RTN3: variants seen among roughly 807,000 people sequenced by gnomAD.
RTN3 encodes reticulon 3.
RTN3 carries 49 observed loss-of-function variants against 77.8 expected under a neutral mutation model. The observed-to-expected ratio is 0.63, with a 90% CI of 0.50 to 0.80. The LOEUF (loss-of-function observed/expected upper bound fraction) is 0.80. Among genes scored for constraint, RTN3 ranks in the 30% least tolerant of loss-of-function variants. The pLI is 0.00. For missense variants in RTN3, 1,236 were observed against 1,211.9 expected, an observed-to-expected ratio of 1.02 and a Z score of -0.29; for synonymous variants, 464 against 446.9, an observed-to-expected ratio of 1.04 and a Z score of -0.48.
chr11:63,682,993 AT>A (rs199645843), intron 1 of RTN3, among the ~76,000 whole-genome samples: 14 of 151,008 alleles, frequency 9.3e-5, no homozygotes, highest in Admixed American at 1.3e-4. Context: ...GATTTTGATC[AT>A]TTTTTTTTAA....
At chr11:63,734,410 G>C (rs951104207) in intron 3 of RTN3, among the ~76,000 whole-genome samples, 1 of 151,784 alleles carries the variant, frequency 6.6e-6, no homozygotes, top group Non-Finnish European at 1.5e-5. Context: ...TCACACCACT[G>C]CACTCCAGCA....
At chr11:63,715,324 A>G (rs1427022296) in intron 2 of RTN3, among the ~76,000 whole-genome samples, 1 of 152,186 alleles carries the variant, frequency 6.6e-6, no homozygotes, top group African/African-American at 2.4e-5. Context: ...CATCTGTAAG[A>G]TGACAGATCT....
At chr11:63,704,934 T>C (rs1942426807) in intron 2 of RTN3, 27 bp downstream of exon 2, 2 of 1,554,256 alleles carry the variant, frequency 1.3e-6, no homozygotes, top group East Asian at 2.2e-5. Context: ...TTTGTGTGCA[T>C]TGGTAAAAGA....
In RTN3 at chr11:63,720,784, C is replaced by G. The variant is rs1436784035; in HGVS notation, c.2282C>G (p.Ser761Cys). 3.1e-6 allele frequency: 5 copies of G among 1,614,078 alleles called. No individual in the cohort carries two copies. Among genetic ancestry groups the G allele is most frequent in the Middle Eastern group, 1.6e-4 (1 of 6,062 alleles). The change falls in exon 3 of 9, where the codon TCT becomes TGT. Residue 761 changes from serine (S) to cysteine (C), a missense_variant. Around this residue, in one of 3 missense-constraint regions of RTN3, gnomAD observed 1,056 missense variants for 990.4 expected, o/e 1.07. Coordinates refer to ENST00000377819, the MANE Select transcript of RTN3 (RefSeq NM_001265589.2). ...LGERQVEKST[S>C]AQRDAELPSE... Reference sequence around the variant, plus strand: ...GAAAGACAGGTTGAGAAGTCAACTTCTGCACAGCGTGACGCAGAATTGCCT... The same window carrying G: ...GAAAGACAGGTTGAGAAGTCAACTTGTGCACAGCGTGACGCAGAATTGCCT...
At chr11:63,708,462 C>G (rs1374152553) in intron 2 of RTN3, among the ~76,000 whole-genome samples, 3 of 152,078 alleles carry the variant, frequency 2.0e-5, no homozygotes, top group African/African-American at 7.2e-5. Context: ...CCATACCTGG[C>G]CTAAATAGGA....
At chr11:63,741,966 T>A (rs926364463) in intron 3 of RTN3, among the ~76,000 whole-genome samples, 2 of 151,898 alleles carry the variant, frequency 1.3e-5, no homozygotes, top group Admixed American at 6.6e-5. Flanking sequence ...TTTTCAAAGT[T>A]GTTTTGGCTC....
At chr11:63,722,107 A>G (rs570349576) in intron 3 of RTN3, among the ~76,000 whole-genome samples, 5 of 151,510 alleles carry the variant, frequency 3.3e-5, no homozygotes, top group South Asian at 4.2e-4. Flanking sequence ...AAAGTACAAG[A>G]AAAAAAAAGG....
intron 1 of RTN3, among the ~76,000 whole-genome samples, chr11:63,694,431 C>T (rs1420630101): frequency 6.6e-6 from 1 of 152,084 alleles, no homozygotes; most frequent in Non-Finnish European, 1.5e-5. Flanking sequence ...CTGCTTTGGC[C>T]TCCCAAAGTG....
chr11:63,740,555 C>T (rs1027296894), intron 3 of RTN3, among the ~76,000 whole-genome samples: 1 of 151,256 alleles, frequency 6.6e-6, no homozygotes, highest in Non-Finnish European at 1.5e-5. Flanking sequence ...CCTCGGCCTC[C>T]TAAAGTGCTG....
At chr11:63,729,595 C>T (rs1417541563) in intron 3 of RTN3, among the ~76,000 whole-genome samples, 1 of 150,730 alleles carries the variant, frequency 6.6e-6, no homozygotes, top group Non-Finnish European at 1.5e-5. Flanking sequence ...GTACCTGGGA[C>T]CACAGGTGCA....
At chr11:63,707,217 A>G (rs368257464) in intron 2 of RTN3, among the ~76,000 whole-genome samples, 2 of 152,046 alleles carry the variant, frequency 1.3e-5, no homozygotes, top group South Asian at 2.1e-4. Flanking sequence ...TTTTTCATAT[A>G]GAAAAGGGAT....
At chr11:63,702,354 G>A (rs565945829) in intron 1 of RTN3, among the ~76,000 whole-genome samples, 18 of 149,544 alleles carry the variant, frequency 1.2e-4, no homozygotes, top group Admixed American at 6.7e-4. Flanking sequence ...TCGCCCTGTC[G>A]CCCAGGCTGG....
Position 63,720,116 on chromosome 11 carries a change from A to C in RTN3, c.1614A>C (p.Glu538Asp). 1 of 1,612,988 alleles carries C rather than the reference A, an allele frequency of 6.2e-7. No homozygotes were observed. The highest frequency in any genetic ancestry group is 8.5e-7 in the Non-Finnish European group (1 of 1,179,688). ...PSAVVKTGER[E>D]IKEIPSCERE... ...CTGTTGTAAAAACAGGTGAAAGAGA[A>C]ATCAAAGAGATTCCCAGTTGTGAGA... The change falls in exon 3 of 9, where the codon GAA (glutamate) becomes GAC (aspartate). Residue 538 changes from glutamate (E) to aspartate (D), a missense_variant. This residue lies in a region of RTN3 where 1,056 missense variants were observed against 990.4 expected (regional missense o/e 1.07). Transcript: ENST00000377819.
At chr11:63,691,114 C>CTTTTTTTT (rs796809025) in intron 1 of RTN3, among the ~76,000 whole-genome samples, 38 of 91,882 alleles carry the variant, frequency 4.1e-4, no homozygotes, top group Admixed American at 5.4e-4. Flanking sequence ...ATTGCTAATT[C>CTTTTTTTT]TTTTTTTTTT....
intron 1 of RTN3, among the ~76,000 whole-genome samples, chr11:63,697,768 G>C (rs1048021647): frequency 1.3e-5 from 2 of 152,096 alleles, no homozygotes; most frequent in African/African-American, 2.4e-5. Context: ...GAGCCACCGC[G>C]CCCGGCCCAC....
At chr11:63,703,107 A>G (rs770292408) in intron 1 of RTN3, among the ~76,000 whole-genome samples, 4 of 152,178 alleles carry the variant, frequency 2.6e-5, no homozygotes, top group Admixed American at 6.5e-5. Context: ...ATTTTTTTAA[A>G]AAACAACAAT....
intron 8 of RTN3, 72 bp downstream of exon 8, chr11:63,756,242 C>T: frequency 1.0e-6 from 1 of 1,004,332 alleles, no homozygotes. Flanking sequence ...GTCCCTTGTA[C>T]AAAATGCAGA....
chr11:63,697,773 G>T (rs1019944762), intron 1 of RTN3, among the ~76,000 whole-genome samples: 3 of 152,156 alleles, frequency 2.0e-5, no homozygotes, highest in Admixed American at 2.0e-4. Context: ...ACCGCGCCCG[G>T]CCCACCTGTG....
chr11:63,743,840 C>T (rs543594592), intron 3 of RTN3, among the ~76,000 whole-genome samples: 64 of 152,024 alleles, frequency 4.2e-4, no homozygotes, highest in Non-Finnish European at 8.4e-4. Flanking sequence ...TGCTTGAACC[C>T]GGGAGCCAGA....
Sources: allele counts gnomAD v4.1 joint callset (sites outside exome capture counted in the v4.1 genomes callset), GRCh38; gene constraint gnomAD v4.1.1; regional missense constraint gnomAD v4.1.1; transcripts MANE v1.5; gene names NCBI Gene and HGNC (gene_info 2026-07-23, HGNC 2026-07-21).